PNN: variants seen among roughly 807,000 people sequenced by gnomAD.
PNN encodes the protein pinin.
Under a neutral mutation model 76.6 loss-of-function variants are expected in PNN, and 38 were observed. The observed-to-expected ratio is 0.50, with a 90% CI of 0.38 to 0.65. The LOEUF is 0.65. Among genes scored for constraint, PNN ranks in the 30% least tolerant of loss-of-function variants. PNN has a pLI of 0.00. For missense variants in PNN, 873 were observed against 874.1 expected (o/e 1.00, Z 0.02); for synonymous variants, 366 against 283.7 (o/e 1.29, Z -2.91).
intron 6 of PNN, 164 bp from the exon 7 acceptor site, chr14:39,178,927 G>T: frequency 3.2e-6 from 2 of 617,860 alleles, no homozygotes; most frequent in South Asian, 4.4e-5. Context: ...TTTTAGTAGA[G>T]ATGGTGGTGT....
At chr14:39,178,145 A>G (rs963633365) in intron 6 of PNN, among the ~76,000 whole-genome samples, 3 of 140,104 alleles carry the variant, frequency 2.1e-5, no homozygotes, top group East Asian at 1.9e-4. Context: ...TAGATATGTG[A>G]AAAAAAAAAG....
rs749913924 is a variant in PNN at position 39,180,823 on chromosome 14, G to A, written c.1114G>A (p.Val372Ile). ...MEVKMEEETE[V>I]RESEKQQDSQ... The stretch of plus-strand genomic sequence containing the variant: ...GGTTAAGATGGAGGAGGAAACTGAG[G>A]TAAGGGAAAGTGAGAAGCAGCAGGA... Residue 372 changes from valine to isoleucine, a missense_variant, in exon 9 of 9, where the codon GTA (valine) becomes ATA (isoleucine). By Grantham distance (29) the Val-to-Ile change is conservative. This residue lies in a region of PNN where 712 missense variants were observed against 693.1 expected (regional missense o/e 1.03). Transcript: ENST00000216832. 80 of 1,613,850 alleles carry A rather than the reference G, an allele frequency of 5.0e-5. No homozygotes were observed. The highest frequency in any genetic ancestry group is 6.4e-5 in the Non-Finnish European group (76 of 1,179,930).
Position 39,181,412 on chromosome 14 carries a change from A to G in PNN, c.1703A>G (p.Asn568Ser). The G allele has an allele frequency of 6.2e-7, 1 of 1,614,230 alleles. No homozygotes were observed. Among genetic ancestry groups the G allele is most frequent in the Non-Finnish European group, 8.5e-7 (1 of 1,180,038 alleles). The change falls in exon 9 of 9, where the codon AAT (asparagine) becomes AGT (serine). Residue 568 changes from asparagine (N) to serine (S), a missense_variant. Physicochemically the swap from Asn to Ser is conservative, Grantham distance 46. Around this residue, in one of 3 missense-constraint regions of PNN, gnomAD observed 712 missense variants for 693.1 expected, o/e 1.03. Transcript: ENST00000216832. Reference protein sequence around the residue: ...TRSRSRGRARNKTSKSRSRSS... With the variant: ...TRSRSRGRARSKTSKSRSRSS... Reference sequence around the variant, plus strand: ...AGCAGAAGTAGAGGTCGAGCTAGAAATAAAACAAGCAAGAGTAGAAGTCGA... The same window carrying G: ...AGCAGAAGTAGAGGTCGAGCTAGAAGTAAAACAAGCAAGAGTAGAAGTCGA...
intron 6 of PNN, 60 bp downstream of exon 6, chr14:39,177,976 G>T (rs1566557809): frequency 5.7e-6 from 6 of 1,058,580 alleles, no homozygotes; most frequent in Admixed American, 4.0e-5. Context: ...GTAGATTAAT[G>T]TTTTTTTTAA....
At chr14:39,179,272 AT>A in intron 7 of PNN, 26 bp downstream of exon 7, 4 of 1,609,622 alleles carry the variant, frequency 2.5e-6, no homozygotes, top group Non-Finnish European at 3.4e-6. Context: ...GAATTCTAAG[AT>A]TGGTAATCCT....
At chr14:39,176,626 C>T (rs769820324) in intron 3 of PNN, 31 bp downstream of exon 3, 3 of 1,298,774 alleles carry the variant, frequency 2.3e-6, no homozygotes, top group Admixed American at 4.0e-5. Context: ...CTGAAGGCTT[C>T]TTTAGTTTCT....
In PNN at chr14:39,177,457, C is replaced by G; in HGVS notation, c.300C>G (p.Ser100Arg). The G allele has an allele frequency of 6.2e-7, 1 of 1,613,864 alleles. No individual in the cohort carries two copies. Among genetic ancestry groups the G allele is most frequent in the Non-Finnish European group, 8.5e-7 (1 of 1,179,824 alleles). ...RRTRRESRQE[S>R]DPEDDDVKKP... ...CCAGAAGAGAATCACGCCAGGAAAGCGACCCGGAGGATGATGATGTTAAAA... is the reference window on the plus strand; with the variant it reads ...CCAGAAGAGAATCACGCCAGGAAAGGGACCCGGAGGATGATGATGTTAAAA... The change falls in exon 4 of 9, where the codon AGC becomes AGG. Residue 100 changes from serine to arginine, a missense_variant. Physicochemically the swap from Ser to Arg is moderately radical, Grantham distance 110. Around this residue, in one of 3 missense-constraint regions of PNN, gnomAD observed 156 missense variants for 161.7 expected, o/e 0.96. Coordinates refer to ENST00000216832, the MANE Select transcript of PNN (RefSeq NM_002687.4).
intron 2 of PNN, 62 bp downstream of exon 2, chr14:39,176,211 T>A (rs2053222431): frequency 3.1e-6 from 3 of 965,366 alleles, no homozygotes; most frequent in Non-Finnish European, 5.0e-6. Flanking sequence ...AATATGTTGG[T>A]TTGAACAAAA....
Position 39,181,331 on chromosome 14 carries a change from C to T in PNN, c.1622C>T (p.Pro541Leu). 4 of 1,614,130 alleles carry T rather than the reference C, an allele frequency of 2.5e-6. No individual in the cohort carries two copies. Among genetic ancestry groups the T allele is most frequent in the Non-Finnish European group, 3.4e-6 (4 of 1,179,970 alleles). Residue 541 changes from proline to leucine, a missense_variant, in exon 9 of 9, where the codon CCA becomes CTA. Pro to Leu is a moderately conservative substitution (Grantham distance 98). Coordinates refer to ENST00000216832, the MANE Select transcript of PNN (RefSeq NM_002687.4). ...GAGTCTGTAAAACTCACTGAGGTACCAGTAGAGCCAGTCTTGACAGTACAT... is the reference window on the plus strand; with the variant it reads ...GAGTCTGTAAAACTCACTGAGGTACTAGTAGAGCCAGTCTTGACAGTACAT... Reference protein sequence around the residue: ...PVESVKLTEVPVEPVLTVHPE... With the variant: ...PVESVKLTEVLVEPVLTVHPE...
chr14:39,179,025 T>C, intron 6 of PNN, 66 bp from the exon 7 acceptor site: 2 of 1,418,870 alleles, frequency 1.4e-6, no homozygotes, highest in Non-Finnish European at 1.9e-6. Context: ...TGAACTGAAA[T>C]CATATATACC....
intron 1 of PNN, 33 bp downstream of exon 1, chr14:39,175,425 C>A: frequency 1.5e-6 from 2 of 1,325,804 alleles, no homozygotes; most frequent in Non-Finnish European, 2.2e-6. Flanking sequence ...GAACTCGGAG[C>A]TCGGAGAGGC....
chr14:39,177,298 A>G (rs1233778772), intron 3 of PNN, 114 bp from the exon 4 acceptor site: 4 of 762,344 alleles, frequency 5.2e-6, no homozygotes, highest in Non-Finnish European at 6.5e-6. Context: ...AGGCAGGAGG[A>G]TCACTTGAGC....
In PNN at chr14:39,182,688, T is replaced by G. The variant is rs771723201; in HGVS notation, c.*825T>G. 2 of 152,658 alleles carry G rather than the reference T, an allele frequency of 1.3e-5. No individual in the cohort carries two copies. The highest frequency in any genetic ancestry group is 2.9e-5 in the Non-Finnish European group (2 of 68,038). The allele number at this position is 152,658 out of a possible 1,614,324, so 9.5% of individuals were successfully genotyped here. A position where few individuals can be genotyped will look rare whatever the true frequency, so the allele number is the denominator to read the frequency against. ...TATCTTTCAAACTTGGTTTTTGAGT[T>G]TGTGTCTTGTCTTAACTTTGTGTTG... On this transcript the variant is annotated 3_prime_UTR_variant, in exon 9 of 9. Coordinates refer to ENST00000216832, the MANE Select transcript of PNN (RefSeq NM_002687.4).
rs2053272429 is a variant in PNN, at chr14:39,181,788, G to C, written c.2079G>C (p.Glu693Asp). The change falls in exon 9 of 9, where the codon GAG becomes GAC. Residue 693 changes from glutamate to aspartate, a missense_variant. Physicochemically the swap from Glu to Asp is conservative, Grantham distance 45. Around this residue, in one of 3 missense-constraint regions of PNN, gnomAD observed 712 missense variants for 693.1 expected, o/e 1.03. Coordinates refer to ENST00000216832, the MANE Select transcript of PNN (RefSeq NM_002687.4). ...SRSDRKRSIS[E>D]SSRSGKRSSR... ...CCGACAGAAAGAGGTCTATATCAGAGAGTAGTCGATCAGGCAAAAGATCTT... is the reference window on the plus strand; with the variant it reads ...CCGACAGAAAGAGGTCTATATCAGACAGTAGTCGATCAGGCAAAAGATCTT... 1.2e-6 allele frequency: 2 copies of C among 1,613,622 alleles called. No individual in the cohort carries two copies. The highest frequency in any genetic ancestry group is 3.3e-5 in the Admixed American group (2 of 59,904).
chr14:39,182,703 A>T lies in PNN; in HGVS notation c.*840A>T, dbSNP rs1011372443. On this transcript the variant is annotated 3_prime_UTR_variant, in exon 9 of 9. Coordinates refer to ENST00000216832, the MANE Select transcript of PNN (RefSeq NM_002687.4). ...GTTTTTGAGTTTGTGTCTTGTCTTAACTTTGTGTTGGCTCTAACTTAAACA... is the reference window on the plus strand; with the variant it reads ...GTTTTTGAGTTTGTGTCTTGTCTTATCTTTGTGTTGGCTCTAACTTAAACA... The T allele has an allele frequency of 2.0e-5, 3 of 152,632 alleles. No homozygotes were observed. Among genetic ancestry groups the T allele is most frequent in the African/African-American group, 7.2e-5 (3 of 41,446 alleles). 9.5% of individuals were successfully genotyped at this position (152,632 alleles called of 1,614,324 possible). A position where few individuals can be genotyped will look rare whatever the true frequency, so the allele number is the denominator to read the frequency against.
In PNN at chr14:39,182,129, T is replaced by A. The variant is rs1594558242; in HGVS notation, c.*266T>A. 4 of 337,008 alleles carry A rather than the reference T, an allele frequency of 1.2e-5. No homozygotes were observed. In the South Asian group the frequency reaches 1.7e-4, roughly 14 times the overall value. The allele number at this position is 337,008 out of a possible 1,614,324, so 20.9% of individuals were successfully genotyped here. On this transcript the variant is annotated 3_prime_UTR_variant, in exon 9 of 9. Coordinates refer to ENST00000216832, the MANE Select transcript of PNN (RefSeq NM_002687.4). Reference sequence around the variant, plus strand: ...GATTAACATCCCTTGTCATCTTTTTTAAATATCCTATACTCTTCAGTAAGA... The same window carrying A: ...GATTAACATCCCTTGTCATCTTTTTAAAATATCCTATACTCTTCAGTAAGA...
rs760452248 is a variant in PNN, at chr14:39,181,126, G to A, written c.1417G>A (p.Val473Met). The A allele has an allele frequency of 4.3e-6, 7 of 1,610,178 alleles. No homozygotes were observed. Among genetic ancestry groups the A allele is most frequent in the African/African-American group, 1.3e-5 (1 of 74,982 alleles). The change falls in exon 9 of 9, where the codon GTG (valine) becomes ATG (methionine). Residue 473 changes from valine to methionine, a missense_variant. By Grantham distance (21) the Val-to-Met change is conservative. Coordinates refer to ENST00000216832, the MANE Select transcript of PNN (RefSeq NM_002687.4). ...AGAATCTGAGCCCCAACCTGAGCCTGTGGCTCAACCTCAGCCTCAGTCTCA... is the reference window on the plus strand; with the variant it reads ...AGAATCTGAGCCCCAACCTGAGCCTATGGCTCAACCTCAGCCTCAGTCTCA... ...EKESEPQPEP[V>M]AQPQPQSQPQ... is the part of the protein sequence containing the mutation.
intron 1 of PNN, among the ~76,000 whole-genome samples, 185 bp downstream of exon 1, chr14:39,175,577 C>G (rs1405795926): frequency 6.6e-6 from 1 of 152,210 alleles, no homozygotes; most frequent in Non-Finnish European, 1.5e-5. Flanking sequence ...CCGTAGAGCG[C>G]TGGTCTCAGG....
Position 39,181,954 on chromosome 14 carries a change from T to G in PNN, c.*91T>G. 2 of 1,281,980 alleles carry G rather than the reference T, an allele frequency of 1.6e-6. No homozygotes were observed. The highest frequency in any genetic ancestry group is 2.1e-6 in the Non-Finnish European group (2 of 945,354). 79.4% of individuals were successfully genotyped at this position (1,281,980 alleles called of 1,614,324 possible). A position where few individuals can be genotyped will look rare whatever the true frequency, so the allele number is the denominator to read the frequency against. ...CTTTCCTTGTAAAGAGGATGCTGCC[T>G]TAAGAATTGCATGTTGTAAAAAATC... is the stretch of plus-strand genomic sequence containing the variant. On this transcript the variant is annotated 3_prime_UTR_variant, in exon 9 of 9. Coordinates refer to ENST00000216832, the MANE Select transcript of PNN (RefSeq NM_002687.4).
Sources: allele counts gnomAD v4.1 joint callset (sites outside exome capture counted in the v4.1 genomes callset), GRCh38; gene constraint gnomAD v4.1.1; regional missense constraint gnomAD v4.1.1; transcripts MANE v1.5; gene names NCBI Gene and HGNC (gene_info 2026-07-23, HGNC 2026-07-21).